Variants in GMPPB observed in about 807,000 individuals in gnomAD.
GMPPB encodes GDP-mannose pyrophosphorylase B.
In GMPPB, 38 loss-of-function variants were observed where a neutral mutation model predicts 40.3. The ratio of observed to expected loss-of-function variants is 0.94; its 90% CI spans 0.73 to 1.24. The LOEUF (loss-of-function observed/expected upper bound fraction) is 1.24. Among genes scored for constraint, GMPPB ranks in the 50% most tolerant of loss-of-function variants. The pLI is 0.00. For missense variants in GMPPB, 436 were observed against 487.1 expected, an observed-to-expected ratio of 0.90 and a Z score of 0.99; for synonymous variants, 193 against 191.8, an observed-to-expected ratio of 1.01 and a Z score of -0.05.
chr3:49,723,896 A>G lies in GMPPB; in HGVS notation c.-170T>C. The G allele has an allele frequency of 1.4e-6, 1 of 707,386 alleles. No homozygotes were observed. Among genetic ancestry groups the G allele is most frequent in the African/African-American group, 1.8e-5 (1 of 54,566 alleles). 43.8% of individuals were successfully genotyped at this position (707,386 alleles called of 1,614,324 possible). A position where few individuals can be genotyped will look rare whatever the true frequency, so the allele number is the denominator to read the frequency against. ...GCCCGGTCGCCCTGACGCCGGATCC[A>G]GGGCCGCCACAACACAGAACGCGAC... On this transcript the variant is annotated 5_prime_UTR_variant, in exon 1 of 9. Transcript: ENST00000308388.
In GMPPB at chr3:49,723,294, G is replaced by C. The variant is rs1381641977; in HGVS notation, c.219C>G (p.Ile73Met). Residue 73 changes from isoleucine (I) to methionine (M), a missense_variant, in exon 3 of 9, where the codon ATC becomes ATG. Physicochemically the swap from Ile to Met is conservative, Grantham distance 10. Coordinates refer to ENST00000308388, the MANE Select transcript of GMPPB (RefSeq NM_021971.4). ...EMKAQEQRLG[I>M]RISMSHEEEP... is the part of the protein sequence containing the mutation. ...CCTCTTCATGGGACATGGAGATTCGGATTCCCAGCTGGAAGGAAGAGGCCC... is the reference window on the plus strand; with the variant it reads ...CCTCTTCATGGGACATGGAGATTCGCATTCCCAGCTGGAAGGAAGAGGCCC... 3 of 1,614,086 alleles carry C rather than the reference G, an allele frequency of 1.9e-6. No homozygotes were observed. The highest frequency in any genetic ancestry group is 2.5e-6 in the Non-Finnish European group (3 of 1,180,038).
rs1430107624 is a variant in GMPPB, at chr3:49,723,304, TGGAA to T, written c.211-6_211-3del. ...GGACATGGAGATTCGGATTCCCAGC[TGGAA>T]GGAAGAGGCCCCCCCAGTCAGGTTC... On this transcript the variant is annotated splice_region_variant and splice_polypyrimidine_tract_variant and intron_variant, in intron 2 of 8. Transcript: ENST00000308388. The T allele has an allele frequency of 1.2e-6, 2 of 1,614,024 alleles. No individual in the cohort carries two copies. Among genetic ancestry groups the T allele is most frequent in the African/African-American group, 2.7e-5 (2 of 74,916 alleles).
In GMPPB at chr3:49,722,578, C is replaced by T. The variant is rs2080433589; in HGVS notation, c.561+18G>A. Reference sequence around the variant, plus strand: ...GGCCTGCCCCACCCCAGCCCACCAACAGCTGTCTCCTACACACCTGGATGC... The same window carrying T: ...GGCCTGCCCCACCCCAGCCCACCAATAGCTGTCTCCTACACACCTGGATGC... On this transcript the variant is annotated intron_variant, in intron 5 of 8. Coordinates refer to ENST00000308388, the MANE Select transcript of GMPPB (RefSeq NM_021971.4). 3 of 1,613,462 alleles carry T rather than the reference C, an allele frequency of 1.9e-6. No individual in the cohort carries two copies. The highest frequency in any genetic ancestry group is 2.5e-6 in the Non-Finnish European group (3 of 1,179,522).
intron 4 of GMPPB, 26 bp from the exon 5 acceptor site, chr3:49,722,780 A>G (rs1266963240): frequency 1.2e-6 from 2 of 1,600,354 alleles, no homozygotes; most frequent in African/African-American, 2.7e-5. Context: ...GGGACCTCGG[A>G]CCTAGTCCAG....
At chr3:49,723,366 A>C in intron 2 of GMPPB, 26 bp downstream of exon 2, 1 of 1,614,106 alleles carries the variant, frequency 6.2e-7, no homozygotes, top group South Asian at 1.1e-5. Flanking sequence ...GGGACCGAGA[A>C]TAAGGGCCAA....
Position 49,722,006 on chromosome 3 carries a change from C to G in GMPPB, c.910G>C (p.Glu304Gln), listed in dbSNP as rs762995747. Residue 304 changes from glutamate (E) to glutamine (Q), a missense_variant, in exon 8 of 9, where the codon GAG (glutamate) becomes CAG (glutamine). Physicochemically the swap from Glu to Gln is conservative, Grantham distance 29. Transcript: ENST00000308388. ...CAGCGCCAGCCCACAATGCAGGACTCAAGCCAGGAATGGGAACGGATCCGG... is the reference window on the plus strand; with the variant it reads ...CAGCGCCAGCCCACAATGCAGGACTGAAGCCAGGAATGGGAACGGATCCGG... Reference protein sequence around the residue: ...DARIRSHSWLESCIVGWRCRV... With the variant: ...DARIRSHSWLQSCIVGWRCRV... The G allele has an allele frequency of 1.9e-6, 3 of 1,613,302 alleles. No individual in the cohort carries two copies. The highest frequency in any genetic ancestry group is 4.5e-5 in the East Asian group (2 of 44,844).
At position 49,723,664 on chromosome 3, in the gene GMPPB, G is replaced by A; in HGVS notation, c.63C>T (p.Thr21=). The A allele has an allele frequency of 6.3e-7, 1 of 1,582,106 alleles. No homozygotes were observed. Among genetic ancestry groups the A allele is most frequent in the East Asian group, 2.2e-5 (1 of 44,698 alleles). The change falls in exon 1 of 9, where the codon ACC becomes ACT. Residue 21 remains threonine, a synonymous_variant. Coordinates refer to ENST00000308388, the MANE Select transcript of GMPPB (RefSeq NM_021971.4). ...GTRLRPLTLS[T]PKPLVDFCNK... ...TGCAGAAGTCCACCAGTGGCTTCGG[G>A]GTGCTCAGCGTCAGCGGCCGTAGCC...
In GMPPB at chr3:49,720,249, G is replaced by A. The variant is rs754753694; in HGVS notation, c.*1503C>T. 118 of 281,976 alleles carry A rather than the reference G, an allele frequency of 4.2e-4. No homozygotes were observed. The highest frequency in any genetic ancestry group is 6.8e-4 in the Non-Finnish European group (103 of 152,364). 17.5% of individuals were successfully genotyped at this position (281,976 alleles called of 1,614,324 possible). On this transcript the variant is annotated 3_prime_UTR_variant, in exon 9 of 9. Coordinates refer to ENST00000308388, the MANE Select transcript of GMPPB (RefSeq NM_021971.4). ...GAGAATCACTTGAACCCGGGAGGTG[G>A]AGGTTGCAGTGAGCCGAGATCGTGC...
At chr3:49,722,401 C>T (rs368344694) in intron 6 of GMPPB, 31 bp downstream of exon 6, 2 of 1,613,384 alleles carry the variant, frequency 1.2e-6, no homozygotes, top group African/African-American at 2.7e-5. Context: ...CAGCCACAGA[C>T]CACCCCCACC....
chr3:49,720,107 G>T lies in GMPPB; in HGVS notation c.*1645C>A. On this transcript the variant is annotated 3_prime_UTR_variant, in exon 9 of 9. Transcript: ENST00000308388. ...AAGGCAGGTGGATCACCTGAGGTCA[G>T]GAATTCGAGACCAGCCTGGCCAACC... is the stretch of plus-strand genomic sequence containing the variant. The T allele has an allele frequency of 6.3e-6, 1 of 159,686 alleles. No homozygotes were observed. The highest frequency in any genetic ancestry group is 1.4e-5 in the Non-Finnish European group (1 of 72,562). The allele number at this position is 159,686 out of a possible 1,614,324, so 9.9% of individuals were successfully genotyped here. A position where few individuals can be genotyped will look rare whatever the true frequency, so the allele number is the denominator to read the frequency against.
rs1244869935 is a variant in GMPPB at position 49,721,278 on chromosome 3, T to C, written c.*474A>G. 2.5e-6 allele frequency: 4 copies of C among 1,614,178 alleles called. No homozygotes were observed. The highest frequency in any genetic ancestry group is 1.1e-5 in the South Asian group (1 of 91,088). ...TAGAGGACTGGGAGAAGGGAGCCAA[T>C]ACGAGTACTACCTCCTCAGCTGCCT... On this transcript the variant is annotated 3_prime_UTR_variant, in exon 9 of 9. Transcript: ENST00000308388.
At position 49,722,241 on chromosome 3, in the gene GMPPB, T is replaced by C. The variant is rs1559696765; in HGVS notation, c.758A>G (p.Asn253Ser). 1.2e-6 allele frequency: 2 copies of C among 1,613,402 alleles called. No homozygotes were observed. Among genetic ancestry groups the C allele is most frequent in the South Asian group, 2.2e-5 (2 of 91,022 alleles). ...RLCSGPGIVG[N>S]VLVDPSARIG... Reference sequence around the variant, plus strand: ...GGGCAAGGGCCTCACCACCAGCACGTTGCCCACAATGCCAGGGCCTGAGCA... The same window carrying C: ...GGGCAAGGGCCTCACCACCAGCACGCTGCCCACAATGCCAGGGCCTGAGCA... The change falls in exon 7 of 9, where the codon AAC becomes AGC. Residue 253 changes from asparagine (N) to serine (S), a missense_variant. Physicochemically the swap from Asn to Ser is conservative, Grantham distance 46. Transcript: ENST00000308388.
chr3:49,722,849 C>T, intron 4 of GMPPB, 95 bp from the exon 5 acceptor site: 1 of 1,512,080 alleles, frequency 6.6e-7, no homozygotes, highest in Non-Finnish European at 9.0e-7. Flanking sequence ...GCCCCAAGTG[C>T]TTAAAGATAC....
In GMPPB at chr3:49,720,536, C is replaced by T; in HGVS notation, c.*1216G>A. 1 of 1,605,038 alleles carries T rather than the reference C, an allele frequency of 6.2e-7. No individual in the cohort carries two copies. The stretch of plus-strand genomic sequence containing the variant: ...GAGAGAGCAAGCCACATCAGTGCTC[C>T]TGGCAGATCCCTGCTTCCAGCTACG... On this transcript the variant is annotated 3_prime_UTR_variant, in exon 9 of 9. Transcript: ENST00000308388.
Position 49,721,768 on chromosome 3 carries a change from G to A in GMPPB, c.1067C>T (p.Pro356Leu). ...TGCATCCCCTCACATGATGATACGA[G>A]GCTCTGGCACTGACTCGCCAATAGA... ...HKSIGESVPE[P>L]RIIM The change falls in exon 9 of 9, where the codon CCT becomes CTT. Residue 356 changes from proline (P) to leucine (L), a missense_variant. Coordinates refer to ENST00000308388, the MANE Select transcript of GMPPB (RefSeq NM_021971.4). The A allele has an allele frequency of 6.2e-7, 1 of 1,605,788 alleles. No individual in the cohort carries two copies. Among genetic ancestry groups the A allele is most frequent in the Non-Finnish European group, 8.5e-7 (1 of 1,178,198 alleles).
In GMPPB at chr3:49,722,671, C is replaced by T. The variant is rs144305518; in HGVS notation, c.486G>A (p.Lys162=). 1.4e-5 allele frequency: 23 copies of T among 1,613,994 alleles called. No individual in the cohort carries two copies. Among genetic ancestry groups the T allele is most frequent in the Middle Eastern group, 1.6e-4 (1 of 6,062 alleles). The change falls in exon 5 of 9, where the codon AAG becomes AAA. Residue 162 remains lysine (K), a synonymous_variant. Coordinates refer to ENST00000308388, the MANE Select transcript of GMPPB (RefSeq NM_021971.4). The part of the protein sequence containing the change: ...DTGRIHRFVE[K]PQVFVSNKIN... ...TCTTATTGGACACAAACACCTGTGG[C>T]TTCTCCACGAACCGGTGAATGCGGC...
In GMPPB at chr3:49,721,021, C is replaced by T; in HGVS notation, c.*731G>A. On this transcript the variant is annotated 3_prime_UTR_variant, in exon 9 of 9. Coordinates refer to ENST00000308388, the MANE Select transcript of GMPPB (RefSeq NM_021971.4). Reference sequence around the variant, plus strand: ...CACCCTTCACTCTCCTCCCTGCAGCCCACCAGTGAGGAGGACCTCTGCCCC... The same window carrying T: ...CACCCTTCACTCTCCTCCCTGCAGCTCACCAGTGAGGAGGACCTCTGCCCC... 1 of 1,611,290 alleles carries T rather than the reference C, an allele frequency of 6.2e-7. No individual in the cohort carries two copies. The highest frequency in any genetic ancestry group is 8.5e-7 in the Non-Finnish European group (1 of 1,178,054).
chr3:49,721,417 A>C lies in GMPPB; in HGVS notation c.*335T>G. 7.2e-7 allele frequency: 1 copy of C among 1,386,552 alleles called. No homozygotes were observed. The highest frequency in any genetic ancestry group is 1.0e-6 in the Non-Finnish European group (1 of 976,424). The allele number at this position is 1,386,552 out of a possible 1,614,324, so 85.9% of individuals were successfully genotyped here. ...CCTGTATCCCACACCACCACATCCA[A>C]CCTCCTTGCCTGCCTGTATCCTCAT... On this transcript the variant is annotated 3_prime_UTR_variant, in exon 9 of 9. Coordinates refer to ENST00000308388, the MANE Select transcript of GMPPB (RefSeq NM_021971.4).
intron 5 of GMPPB, 38 bp from the exon 6 acceptor site, chr3:49,722,548 G>A (rs2108211674): frequency 6.2e-7 from 1 of 1,613,304 alleles, no homozygotes; most frequent in South Asian, 1.1e-5. Context: ...GGTCATGGCG[G>A]TGATGGCCTG....
Sources: allele counts gnomAD v4.1 joint callset, GRCh38; gene constraint gnomAD v4.1.1; transcripts MANE v1.5; gene names NCBI Gene and HGNC (gene_info 2026-07-23, HGNC 2026-07-21).